IL12RB2: variants seen among roughly 807,000 people sequenced by gnomAD.
IL12RB2 encodes interleukin 12 receptor subunit beta 2.
A neutral mutation model predicts 89.4 loss-of-function variants in IL12RB2; 82 were observed. That is an observed-to-expected ratio of 0.92 (90% confidence interval 0.77 to 1.10). The LOEUF (loss-of-function observed/expected upper bound fraction) is 1.10. Ranked by LOEUF, IL12RB2 falls within the 50% of genes least tolerant of loss-of-function variation. IL12RB2 has a pLI of 0.00. For synonymous variants in IL12RB2, 368 were observed against 370.1 expected (o/e 0.99, Z 0.07); for missense variants, 963 against 1,031.9 (o/e 0.93, Z 0.92).
intron 10 of IL12RB2, among the ~76,000 whole-genome samples, chr1:67,362,327 G>A (rs4655704): frequency 0.47 from 69,711 of 149,656 alleles, 18,357 homozygotes; most frequent in Non-Finnish European, 0.58. Context: ...AGCACTTTGG[G>A]AGGCCGAGGC....
rs1666426025 is a variant in IL12RB2 at position 67,397,232 on chromosome 1, T to C, written c.*1143T>C. ...CAGCAAATCAAGGGCAGCTGGATGGTGAAGACCTATATTGTAAACTCACCA... is the reference window on the plus strand; with the variant it reads ...CAGCAAATCAAGGGCAGCTGGATGGCGAAGACCTATATTGTAAACTCACCA... On this transcript the variant is annotated 3_prime_UTR_variant, in exon 17 of 17. Transcript: ENST00000674203. Among the ~76,000 whole-genome samples the C allele has an allele frequency of 6.6e-6, 1 of 152,188 alleles. No individual in the cohort carries two copies. Among genetic ancestry groups the C allele is most frequent in the East Asian group, 1.9e-4 (1 of 5,190 alleles).
At chr1:67,383,272 C>G (rs1259900933) in intron 14 of IL12RB2, among the ~76,000 whole-genome samples, 1 of 152,126 alleles carries the variant, frequency 6.6e-6, no homozygotes, top group Non-Finnish European at 1.5e-5. Flanking sequence ...AGATAACTGC[C>G]CCCATGATTG....
intron 14 of IL12RB2, among the ~76,000 whole-genome samples, chr1:67,385,794 A>G (rs963689383): frequency 6.6e-6 from 1 of 152,232 alleles, no homozygotes; most frequent in Non-Finnish European, 1.5e-5. Context: ...TAAAATTAAT[A>G]GCTACTGTTT....
Position 67,396,875 on chromosome 1 carries a change from G to C in IL12RB2, c.*786G>C, listed in dbSNP as rs1215392036. 6.6e-6 allele frequency: 1 copy of C among 152,446 alleles called. No homozygotes were observed. Among genetic ancestry groups the C allele is most frequent in the Non-Finnish European group, 1.5e-5 (1 of 68,162 alleles). 9.4% of individuals were successfully genotyped at this position (152,446 alleles called of 1,614,324 possible). ...TGGCCGGGCGTGGTAGCTCATGCCTGTAATCCCAGCACTTTGGGAGGCTGA... is the reference window on the plus strand; with the variant it reads ...TGGCCGGGCGTGGTAGCTCATGCCTCTAATCCCAGCACTTTGGGAGGCTGA... On this transcript the variant is annotated 3_prime_UTR_variant, in exon 17 of 17. Coordinates refer to ENST00000674203, the MANE Select transcript of IL12RB2 (RefSeq NM_001374259.2).
intron 13 of IL12RB2, among the ~76,000 whole-genome samples, chr1:67,379,724 A>C (rs1664379370): frequency 6.6e-6 from 1 of 152,074 alleles, no homozygotes; most frequent in Admixed American, 6.5e-5. Context: ...AGAGAAAAGA[A>C]AATTAGAAAA....
Position 67,395,841 on chromosome 1 carries a change from A to G in IL12RB2, c.2341A>G (p.Asn781Asp). Residue 781 changes from asparagine to aspartate, a missense_variant, in exon 17 of 17, where the codon AAC becomes GAC. By Grantham distance (23) the Asn-to-Asp change is conservative. Coordinates refer to ENST00000674203, the MANE Select transcript of IL12RB2 (RefSeq NM_001374259.2). ...ESRGSDPKPE[N>D]PACPWTVLPA... is the part of the protein sequence containing the mutation. The stretch of plus-strand genomic sequence containing the variant: ...CAGGGGCTCCGACCCAAAGCCCGAA[A>G]ACCCAGCCTGTCCCTGGACGGTGCT... 7 of 1,611,006 alleles carry G rather than the reference A, an allele frequency of 4.3e-6. No individual in the cohort carries two copies. Among genetic ancestry groups the G allele is most frequent in the Non-Finnish European group, 5.9e-6 (7 of 1,177,674 alleles).
At chr1:67,372,569 A>G in intron 12 of IL12RB2, 35 bp downstream of exon 12, 1 of 1,606,826 alleles carries the variant, frequency 6.2e-7, no homozygotes, top group Non-Finnish European at 8.5e-7. Flanking sequence ...ATTTTGCTTT[A>G]GTTTAATGAT....
chr1:67,343,996 C>T (rs139966373), intron 9 of IL12RB2, among the ~76,000 whole-genome samples: 87 of 152,300 alleles, frequency 5.7e-4, no homozygotes, highest in African/African-American at 2.0e-3. Flanking sequence ...TGTCCTGGAG[C>T]TCACAGTCCA....
chr1:67,362,909 GT>G lies in IL12RB2; in HGVS notation c.1259-4904del, dbSNP rs35903943. Among the ~76,000 whole-genome samples the G allele has an allele frequency of 1.6e-3, 240 of 146,562 alleles. 3 individuals carry two copies. In the South Asian group the frequency reaches 0.043, roughly 26 times the overall value. On this transcript the variant is annotated intron_variant, in intron 10 of 16. Coordinates refer to ENST00000674203, the MANE Select transcript of IL12RB2 (RefSeq NM_001374259.2). ...GGCAAAATACAAACTTTAATTACTC[GT>G]TTTTTTTTTTTGTGACGGAGTCTTG... is the stretch of plus-strand genomic sequence containing the variant.
At chr1:67,319,058 G>T (rs1310143377) in intron 2 of IL12RB2, among the ~76,000 whole-genome samples, 1 of 152,198 alleles carries the variant, frequency 6.6e-6, no homozygotes, top group Non-Finnish European at 1.5e-5. Context: ...ACCCCACAGG[G>T]ACAGGAGTGC....
intron 16 of IL12RB2, among the ~76,000 whole-genome samples, chr1:67,395,200 G>A (rs751228148): frequency 7.9e-5 from 12 of 152,024 alleles, no homozygotes; most frequent in African/African-American, 1.9e-4. Context: ...CCTGGGAGGC[G>A]GAGGTTACAG....
In IL12RB2 at chr1:67,333,813, T is replaced by C. The variant is rs573050335; in HGVS notation, c.958+3003T>C. On this transcript the variant is annotated intron_variant, in intron 8 of 16. Transcript: ENST00000674203. ...ACATGCCTGAGAACATGCACAGGTATTGAGGGAAGGTGATCTCTCACCACT... is the reference window on the plus strand; with the variant it reads ...ACATGCCTGAGAACATGCACAGGTACTGAGGGAAGGTGATCTCTCACCACT... 6.6e-5 allele frequency among the ~76,000 whole-genome samples: 10 copies of C among 152,266 alleles called. No individual in the cohort carries two copies. The South Asian group carries it at 1.9e-3, about 28-fold the overall frequency.
chr1:67,334,412 A>G (rs1444845190), intron 8 of IL12RB2, among the ~76,000 whole-genome samples: 1 of 152,196 alleles, frequency 6.6e-6, no homozygotes. Context: ...CTGTGTTCCA[A>G]CAAAACTTTA....
Position 67,390,087 on chromosome 1 carries a change from C to A in IL12RB2, c.2005C>A (p.Pro669Thr), listed in dbSNP as rs1418040254. ...PQWCSREIPD[P>T]ANSTCAKKYP... ...GTGGTGTAGCAGAGAAATTCCAGAT[C>A]CAGCAAATAGCACTTGCGCTAAGAA... Residue 669 changes from proline (P) to threonine (T), a missense_variant, in exon 16 of 17, where the codon CCA (proline) becomes ACA (threonine). By Grantham distance (38) the Pro-to-Thr change is conservative. Coordinates refer to ENST00000674203, the MANE Select transcript of IL12RB2 (RefSeq NM_001374259.2). The A allele has an allele frequency of 1.4e-6, 2 of 1,386,818 alleles. No homozygotes were observed. The highest frequency in any genetic ancestry group is 2.1e-6 in the Non-Finnish European group (2 of 972,312). The allele number at this position is 1,386,818 out of a possible 1,614,324, so 85.9% of individuals were successfully genotyped here.
chr1:67,318,573 T>C (rs151311525), intron 2 of IL12RB2, among the ~76,000 whole-genome samples: 1 of 152,100 alleles, frequency 6.6e-6, no homozygotes, highest in Non-Finnish European at 1.5e-5. Flanking sequence ...ATGGTTTAGC[T>C]GTAGGAGATG....
At chr1:67,311,557 C>T (rs1411319684) in intron 1 of IL12RB2, among the ~76,000 whole-genome samples, 5 of 152,138 alleles carry the variant, frequency 3.3e-5, no homozygotes, top group Non-Finnish European at 5.9e-5. Flanking sequence ...AAATTATATG[C>T]TTTGCACAGT....
intron 14 of IL12RB2, among the ~76,000 whole-genome samples, chr1:67,382,877 C>T (rs1664756567): frequency 6.6e-6 from 1 of 151,940 alleles, no homozygotes; most frequent in Non-Finnish European, 1.5e-5. Flanking sequence ...AGCTAATCAA[C>T]TCTAAACTTT....
At chr1:67,376,424 C>T (rs184925871) in intron 13 of IL12RB2, among the ~76,000 whole-genome samples, 1 of 152,252 alleles carries the variant, frequency 6.6e-6, no homozygotes, top group East Asian at 1.9e-4. Flanking sequence ...TTCCTATCTA[C>T]AGCTTTTCCA....
chr1:67,372,545 G>C lies in IL12RB2; in HGVS notation c.1558+11G>C. 1.2e-6 allele frequency: 2 copies of C among 1,603,160 alleles called. No individual in the cohort carries two copies. Among genetic ancestry groups the C allele is most frequent in the Non-Finnish European group, 1.7e-6 (2 of 1,170,098 alleles). On this transcript the variant is annotated intron_variant, in intron 12 of 16. Coordinates refer to ENST00000674203, the MANE Select transcript of IL12RB2 (RefSeq NM_001374259.2). ...ACTCTAAGCACAAAGGTGAGTCTTGGGATCTTTTGCCAAATTTTGCTTTAG... is the reference window on the plus strand; with the variant it reads ...ACTCTAAGCACAAAGGTGAGTCTTGCGATCTTTTGCCAAATTTTGCTTTAG...
Sources: allele counts gnomAD v4.1 joint callset (sites outside exome capture counted in the v4.1 genomes callset), GRCh38; gene constraint gnomAD v4.1.1; transcripts MANE v1.5; gene names NCBI Gene and HGNC (gene_info 2026-07-23, HGNC 2026-07-21).